The following GAN variants were observed in gnomAD, a reference collection of about 807,000 sequenced individuals.
GAN encodes the protein gigaxonin.
In GAN, 48 loss-of-function variants were observed where a neutral mutation model predicts 71.3. The ratio of observed to expected loss-of-function variants is 0.67; its 90% CI spans 0.53 to 0.86. The LOEUF is 0.86. GAN is among the 40% of genes least tolerant of loss of function. GAN has a pLI of 0.00. For missense variants in GAN, 928 were observed against 770.1 expected, an observed-to-expected ratio of 1.21 and a Z score of -2.43; for synonymous variants, 386 against 276.8, an observed-to-expected ratio of 1.39 and a Z score of -3.92.
rs563980443 is a variant in GAN, at chr16:81,333,518, G to T, written c.168-18065G>T. On this transcript the variant is annotated intron_variant, in intron 1 of 10. Coordinates refer to ENST00000648994, the MANE Select transcript of GAN (RefSeq NM_022041.4). Reference sequence around the variant, plus strand: ...GGGAGGAATAGGCTATGCATAGCCTGGGGGGAAAAGGATTTATGTAACACA... The same window carrying T: ...GGGAGGAATAGGCTATGCATAGCCTTGGGGGAAAAGGATTTATGTAACACA... Among the ~76,000 whole-genome samples the T allele has an allele frequency of 7.2e-5, 11 of 152,254 alleles. 1 individual carries two copies. The East Asian group carries it at 1.4e-3, about 19-fold the overall frequency.
rs119485090 is a variant in GAN, at chr16:81,354,723, C to T, written c.601C>T (p.Arg201Ter). 1.9e-6 allele frequency: 3 copies of T among 1,601,984 alleles called. No homozygotes were observed. The highest frequency in any genetic ancestry group is 2.6e-6 in the Non-Finnish European group (3 of 1,169,102). The change falls in exon 3 of 11, where the codon CGA (arginine) becomes TGA (stop). Residue 201 changes from arginine (R) to a stop codon, truncating the protein, a stop_gained. Coordinates refer to ENST00000648994, the MANE Select transcript of GAN (RefSeq NM_022041.4). LOFTEE classifies it high-confidence loss of function. ...AAGATATGTCTTTGAAGCAGTAATT[C>T]GATGGATAGCACATGATACAGAAAT... ...NERYVFEAVI[R>*]WIAHDTEIRK...
At chr16:81,349,604 A>C (rs928305583) in intron 1 of GAN, among the ~76,000 whole-genome samples, 6 of 152,190 alleles carry the variant, frequency 3.9e-5, no homozygotes, top group Admixed American at 3.3e-4. Context: ...TGATTGCGCC[A>C]CTGCACTCCA....
intron 1 of GAN, among the ~76,000 whole-genome samples, chr16:81,337,463 G>C (rs1221615460): frequency 6.6e-6 from 1 of 152,184 alleles, no homozygotes; most frequent in Admixed American, 6.5e-5. Flanking sequence ...CTCTATCACT[G>C]TTATGTCAAG....
chr16:81,365,379 T>C lies in GAN; in HGVS notation c.1403T>C (p.Met468Thr). 3 of 1,613,738 alleles carry C rather than the reference T, an allele frequency of 1.9e-6. No individual in the cohort carries two copies. The highest frequency in any genetic ancestry group is 1.7e-6 in the Non-Finnish European group (2 of 1,179,930). Residue 468 changes from methionine to threonine, a missense_variant, in exon 9 of 11, where the codon ATG becomes ACG. Coordinates refer to ENST00000648994, the MANE Select transcript of GAN (RefSeq NM_022041.4). ...RFGAVACGVA[M>T]ELYVFGGVRS... ...GGAGCGGTGGCCTGTGGAGTTGCTA[T>C]GGAGCTGTATGTGTTTGGGGGAGTC...
chr16:81,348,441 T>C (rs1910193086), intron 1 of GAN, among the ~76,000 whole-genome samples: 1 of 152,230 alleles, frequency 6.6e-6, no homozygotes, highest in Admixed American at 6.5e-5. Context: ...TTTATCTTTG[T>C]TAAATATCTA....
intron 5 of GAN, among the ~76,000 whole-genome samples, chr16:81,359,841 C>T (rs1268847106): frequency 3.9e-5 from 6 of 152,064 alleles, no homozygotes; most frequent in Non-Finnish European, 8.8e-5. Context: ...AATAAAACGA[C>T]GATAACAATA....
intron 8 of GAN, 99 bp downstream of exon 8, chr16:81,365,209 CCTTTT>C: frequency 6.4e-7 from 1 of 1,562,620 alleles, no homozygotes; most frequent in Non-Finnish European, 8.8e-7. Context: ...TTCAGAGTAA[CCTTTT>C]CTTTGACTTG....
intron 1 of GAN, among the ~76,000 whole-genome samples, chr16:81,329,997 C>A (rs1909518785): frequency 6.6e-6 from 1 of 152,186 alleles, no homozygotes; most frequent in Non-Finnish European, 1.5e-5. Context: ...CAGGAGAAAT[C>A]TAGGAGGCAG....
Position 81,333,399 on chromosome 16 carries a change from G to A in GAN, c.167+18119G>A, listed in dbSNP as rs773974531. On this transcript the variant is annotated intron_variant, in intron 1 of 10. Coordinates refer to ENST00000648994, the MANE Select transcript of GAN (RefSeq NM_022041.4). ...AGTATCCACTTCTGTTTTATAACCCGGTCCATCCTTCTGTATTTATTAGGT... is the reference window on the plus strand; with the variant it reads ...AGTATCCACTTCTGTTTTATAACCCAGTCCATCCTTCTGTATTTATTAGGT... Among the ~76,000 whole-genome samples, 11 of 152,100 alleles carry A rather than the reference G, an allele frequency of 7.2e-5. No homozygotes were observed. In the East Asian group the frequency reaches 9.7e-4, roughly 13 times the overall value.
chr16:81,332,881 G>A (rs1909632021), intron 1 of GAN, among the ~76,000 whole-genome samples: 2 of 152,268 alleles, frequency 1.3e-5, no homozygotes, highest in East Asian at 1.9e-4. Context: ...ATATCAGGAG[G>A]CCGTGATGTT....
intron 1 of GAN, among the ~76,000 whole-genome samples, chr16:81,345,581 C>T (rs1910091925): frequency 1.3e-5 from 2 of 152,014 alleles, no homozygotes; most frequent in African/African-American, 4.8e-5. Flanking sequence ...GAACATCGCA[C>T]ACTGGGGCCT....
chr16:81,334,566 A>G (rs1909691658), intron 1 of GAN, among the ~76,000 whole-genome samples: 1 of 152,226 alleles, frequency 6.6e-6, no homozygotes, highest in Non-Finnish European at 1.5e-5. Context: ...GGCCAGCCCT[A>G]GAGTCCGGTT....
chr16:81,364,343 C>G (rs1910777791), intron 7 of GAN, among the ~76,000 whole-genome samples: 1 of 152,076 alleles, frequency 6.6e-6, no homozygotes, highest in African/African-American at 2.4e-5. Flanking sequence ...CATCTTGGCT[C>G]ACTGCAACCT....
chr16:81,374,099 G>A (rs552634673), intron 9 of GAN, among the ~76,000 whole-genome samples: 20 of 152,228 alleles, frequency 1.3e-4, no homozygotes, highest in African/African-American at 2.2e-4. Context: ...TTATTGGTTC[G>A]TTATTTTTTT....
At chr16:81,340,893 C>T (rs1909919685) in intron 1 of GAN, among the ~76,000 whole-genome samples, 1 of 151,754 alleles carries the variant, frequency 6.6e-6, no homozygotes, top group African/African-American at 2.4e-5. Context: ...GAAAAGCGTT[C>T]AAAAAGGGTT....
In GAN at chr16:81,379,043, T is replaced by G. The variant is rs1214719725; in HGVS notation, c.*1447T>G. 1 of 146,962 alleles carries G rather than the reference T, an allele frequency of 6.8e-6. No homozygotes were observed. Among genetic ancestry groups the G allele is most frequent in the Non-Finnish European group, 1.5e-5 (1 of 66,882 alleles). 9.1% of individuals were successfully genotyped at this position (146,962 alleles called of 1,614,324 possible). A position where few individuals can be genotyped will look rare whatever the true frequency, so the allele number is the denominator to read the frequency against. Reference sequence around the variant, plus strand: ...TTTAATTGTTTTCTAAAAAAAAGGTTTTTTTTTTCCTTTTGGAATATGGCT... The same window carrying G: ...TTTAATTGTTTTCTAAAAAAAAGGTGTTTTTTTTCCTTTTGGAATATGGCT... On this transcript the variant is annotated 3_prime_UTR_variant, in exon 11 of 11. Transcript: ENST00000648994.
At chr16:81,337,457 A>G (rs1597394220) in intron 1 of GAN, among the ~76,000 whole-genome samples, 1 of 152,322 alleles carries the variant, frequency 6.6e-6, no homozygotes, top group Non-Finnish European at 1.5e-5. Context: ...CTTATTCTCT[A>G]TCACTGTTAT....
At chr16:81,346,585 C>G (rs1408319471) in intron 1 of GAN, among the ~76,000 whole-genome samples, 1 of 152,214 alleles carries the variant, frequency 6.6e-6, no homozygotes, top group Admixed American at 6.5e-5. Context: ...GCCTGATGAT[C>G]TGAGGTGGAA....
intron 4 of GAN, among the ~76,000 whole-genome samples, chr16:81,357,544 G>A (rs534273006): frequency 3.6e-4 from 55 of 152,176 alleles, no homozygotes; most frequent in African/African-American, 1.3e-3. Flanking sequence ...CTTTGCTATT[G>A]TGAATAGTGC....
Sources: allele counts gnomAD v4.1 joint callset (sites outside exome capture counted in the v4.1 genomes callset), GRCh38; gene constraint gnomAD v4.1.1; transcripts MANE v1.5; gene names NCBI Gene and HGNC (gene_info 2026-07-23, HGNC 2026-07-21).